PCDHGA2: variants seen among roughly 807,000 people sequenced by gnomAD.
PCDHGA2 encodes the protein protocadherin gamma subfamily A, 2.
In PCDHGA2, 40 loss-of-function variants were observed where a neutral mutation model predicts 59.2. The ratio of observed to expected loss-of-function variants is 0.68; its 90% CI spans 0.52 to 0.88. The LOEUF (loss-of-function observed/expected upper bound fraction) is 0.88, where lower values mean the gene tolerates loss of function less well. Ranked by LOEUF, PCDHGA2 falls within the 40% of genes least tolerant of loss-of-function variation. The pLI is 0.00. For synonymous variants in PCDHGA2, 560 were observed against 526.0 expected, an observed-to-expected ratio of 1.06 and a Z score of -0.89; for missense variants, 1,226 against 1,204.0, an observed-to-expected ratio of 1.02 and a Z score of -0.27.
chr5:141,394,380 G>A (rs867131974), intron 1 of PCDHGA2: 2 of 1,614,196 alleles, frequency 1.2e-6, no homozygotes, highest in Non-Finnish European at 1.7e-6. Context: ...TTTCGACTAT[G>A]AGCAGATCCG....
At chr5:141,414,037 T>C (rs769920301) in intron 1 of PCDHGA2, 2 of 1,611,060 alleles carry the variant, frequency 1.2e-6, no homozygotes, top group Admixed American at 1.7e-5. Context: ...ATTCCGAAAA[T>C]TACCTGACAC....
At chr5:141,469,782 G>A (rs760985231) in intron 1 of PCDHGA2, among the ~76,000 whole-genome samples, 8 of 152,204 alleles carry the variant, frequency 5.3e-5, no homozygotes, top group African/African-American at 1.7e-4. Context: ...TTATTACAGC[G>A]TTATTTGTAA....
intron 1 of PCDHGA2, chr5:141,344,571 C>G: frequency 1.2e-6 from 2 of 1,614,022 alleles, no homozygotes; most frequent in Non-Finnish European, 8.5e-7. Context: ...CTACTTCTCT[C>G]TGGCTGTGAA....
At chr5:141,449,264 C>CTG (rs2098633558) in intron 1 of PCDHGA2, among the ~76,000 whole-genome samples, 1 of 152,056 alleles carries the variant, frequency 6.6e-6, no homozygotes, top group African/African-American at 2.4e-5. Context: ...GTACAAAGAA[C>CTG]TGTATCTCCT....
rs58019021 is a variant in PCDHGA2, at chr5:141,500,184, T to TTTTATTTATTTA, written c.2484-5178_2484-5167dup. Among the ~76,000 whole-genome samples, 232 of 135,962 alleles carry TTTTATTTATTTA rather than the reference T, an allele frequency of 1.7e-3. 1 individual carries two copies. The highest frequency in any genetic ancestry group is 6.4e-3 in the South Asian group (27 of 4,202). The allele number at this position is 135,962 out of a possible 152,430, so 89.2% of individuals were successfully genotyped here. A position where few individuals can be genotyped will look rare whatever the true frequency, so the allele number is the denominator to read the frequency against. The stretch of plus-strand genomic sequence containing the variant: ...GAACATGCATGAGCTTCATTTTTAT[T>TTTTATTTATTTA]TTTATTTATTTATTTATTTATTTAT... On this transcript the variant is annotated intron_variant, in intron 2 of 3. Transcript: ENST00000394576.
chr5:141,442,343 G>C (rs1300318674), intron 1 of PCDHGA2: 1 of 152,336 alleles, frequency 6.6e-6, no homozygotes, highest in Non-Finnish European at 1.5e-5. Flanking sequence ...CAGGTTTCTG[G>C]GTAACTGTAG....
chr5:141,409,200 T>C, intron 1 of PCDHGA2: 2 of 1,614,020 alleles, frequency 1.2e-6, no homozygotes, highest in Non-Finnish European at 1.7e-6. Flanking sequence ...CAGTGTAAAG[T>C]AATCATAGAA....
chr5:141,413,865 C>A, intron 1 of PCDHGA2: 2 of 1,613,388 alleles, frequency 1.2e-6, no homozygotes, highest in Non-Finnish European at 1.7e-6. Context: ...CTGGCACTGT[C>A]CTTGTCAGTG....
intron 1 of PCDHGA2, among the ~76,000 whole-genome samples, chr5:141,473,195 C>T (rs1053769499): frequency 6.6e-6 from 1 of 152,104 alleles, no homozygotes; most frequent in African/African-American, 2.4e-5. Flanking sequence ...GTAAATGTAT[C>T]TTCTAAAAAA....
At chr5:141,359,942 T>C (rs1471102697) in intron 1 of PCDHGA2, 6 of 497,370 alleles carry the variant, frequency 1.2e-5, no homozygotes, top group Non-Finnish European at 2.0e-5. Flanking sequence ...AGCGTCGCTG[T>C]TGGTCAAAAG....
chr5:141,510,359 T>A (rs1229932307), intron 3 of PCDHGA2, among the ~76,000 whole-genome samples: 3 of 143,318 alleles, frequency 2.1e-5, no homozygotes, highest in African/African-American at 7.7e-5. Flanking sequence ...CTAACGGAAC[T>A]ACCGAATCTC....
chr5:141,503,222 G>T (rs540244346), intron 2 of PCDHGA2, among the ~76,000 whole-genome samples: 1 of 152,120 alleles, frequency 6.6e-6, no homozygotes, highest in East Asian at 1.9e-4. Context: ...CATGAGCACC[G>T]TAAAGATGGA....
At position 141,376,627 on chromosome 5, in the gene PCDHGA2, A is replaced by G. The variant is rs183524096; in HGVS notation, c.2424+35232A>G. On this transcript the variant is annotated intron_variant, in intron 1 of 3. Transcript: ENST00000394576. ...AGCGAACCTCTTTTGGTACAGGAAG[A>G]TTCGTGATTTTGTAAAGTGGAAGAC... 863 of 1,127,968 alleles carry G rather than the reference A, an allele frequency of 7.7e-4. 3 individuals carry two copies. Among genetic ancestry groups the G allele is most frequent in the Middle Eastern group, 3.8e-3 (17 of 4,452 alleles). The allele number at this position is 1,127,968 out of a possible 1,614,324, so 69.9% of individuals were successfully genotyped here. A position where few individuals can be genotyped will look rare whatever the true frequency, so the allele number is the denominator to read the frequency against.
chr5:141,391,906 T>C (rs2092441756), intron 1 of PCDHGA2: 2 of 152,218 alleles, frequency 1.3e-5, no homozygotes, highest in Non-Finnish European at 2.9e-5. Flanking sequence ...GCTTTGCTTT[T>C]TATCATATAT....
At chr5:141,474,920 C>A (rs1363277892) in intron 1 of PCDHGA2, among the ~76,000 whole-genome samples, 2 of 152,232 alleles carry the variant, frequency 1.3e-5, no homozygotes, top group Admixed American at 6.5e-5. Context: ...TACATCTCAT[C>A]TCTGGCTTAT....
rs780493371 is a variant in PCDHGA2, at chr5:141,340,786, T to C, written c.1815T>C (p.Ser605=). ...DRDSGQNAWL[S]YHLLKASEPG... ...ACTCGGGCCAGAACGCCTGGCTGTC[T>C]TACCACCTGCTCAAGGCCAGCGAGC... is the stretch of plus-strand genomic sequence containing the variant. The change falls in exon 1 of 4, where the codon TCT becomes TCC. Residue 605 remains serine, a synonymous_variant. Coordinates refer to ENST00000394576, the MANE Select transcript of PCDHGA2 (RefSeq NM_018915.4). 67 of 1,613,368 alleles carry C rather than the reference T, an allele frequency of 4.2e-5. No homozygotes were observed. The highest frequency in any genetic ancestry group is 2.2e-4 in the East Asian group (10 of 44,804).
rs368153419 is a variant in PCDHGA2 at position 141,476,458 on chromosome 5, C to T, written c.2425-18349C>T. 1 of 1,614,044 alleles carries T rather than the reference C, an allele frequency of 6.2e-7. No homozygotes were observed. Among genetic ancestry groups the T allele is most frequent in the Non-Finnish European group, 8.5e-7 (1 of 1,180,014 alleles). On this transcript the variant is annotated intron_variant, in intron 1 of 3. Coordinates refer to ENST00000394576, the MANE Select transcript of PCDHGA2 (RefSeq NM_018915.4). The surrounding 1 kb of genome is among the most constrained non-coding windows in gnomAD (Gnocchi z 7.6). ...TAACTCTGGAGTTGGTAGTGGAGAA[C>T]CCGCTGGAGCTGTTCAGCGTGGAAG...
chr5:141,374,102 C>T, intron 1 of PCDHGA2: 2 of 1,568,166 alleles, frequency 1.3e-6, no homozygotes, highest in South Asian at 2.4e-5. Flanking sequence ...TCCGCAGAGG[C>T]ATCCGCAGCG....
At chr5:141,400,819 C>A (rs1316119038) in intron 1 of PCDHGA2, among the ~76,000 whole-genome samples, 1 of 152,132 alleles carries the variant, frequency 6.6e-6, no homozygotes, top group African/African-American at 2.4e-5. Flanking sequence ...TTTACCTATT[C>A]GTTGTCTCAT....
Sources: allele counts gnomAD v4.1 joint callset (sites outside exome capture counted in the v4.1 genomes callset), GRCh38; gene constraint gnomAD v4.1.1; non-coding constraint Gnocchi (gnomAD v3.1); transcripts MANE v1.5; gene names NCBI Gene and HGNC (gene_info 2026-07-23, HGNC 2026-07-21).